The following TARS2 variants were observed in gnomAD, a reference collection of about 807,000 sequenced individuals.
TARS2 encodes threonyl-tRNA synthetase 2, mitochondrial, also known as threonine--tRNA ligase, mitochondrial.
Under a neutral mutation model 94.4 loss-of-function variants are expected in TARS2, and 61 were observed. The observed-to-expected ratio is 0.65, with a 90% CI of 0.53 to 0.80. The LOEUF (loss-of-function observed/expected upper bound fraction) is 0.80, where lower values mean the gene tolerates loss of function less well. Among genes scored for constraint, TARS2 ranks in the 30% least tolerant of loss-of-function variants. TARS2 has a pLI of 0.00. For missense variants in TARS2, 704 were observed against 902.5 expected (o/e 0.78, Z 2.82); for synonymous variants, 359 against 353.4 (o/e 1.02, Z -0.18).
At position 150,497,611 on chromosome 1, in the gene TARS2, T is replaced by C. The variant is rs767000018; in HGVS notation, c.1102T>C (p.Trp368Arg). 16 of 1,614,168 alleles carry C rather than the reference T, an allele frequency of 9.9e-6. No homozygotes were observed. The highest frequency in any genetic ancestry group is 6.7e-5 in the Admixed American group (4 of 60,010). ...GAAGCTCTGGGAACAGTCAGGGCAC[T>C]GGGAGCATTATCAGGAAGACATGTT... ...STKLWEQSGH[W>R]EHYQEDMFAV... The change falls in exon 10 of 18, where the codon TGG becomes CGG. Residue 368 changes from tryptophan to arginine, a missense_variant. By Grantham distance (101) the Trp-to-Arg change is moderately radical. Transcript: ENST00000369064.
At chr1:150,488,821 G>A in intron 2 of TARS2, 143 bp from the exon 3 acceptor site, 1 of 1,260,560 alleles carries the variant, frequency 7.9e-7, no homozygotes, top group Non-Finnish European at 1.1e-6. Flanking sequence ...ATCCTTTCCA[G>A]CCTCTGGTAA....
At chr1:150,492,088 C>G (rs587661879) in intron 6 of TARS2, 17 of 291,582 alleles carry the variant, frequency 5.8e-5, no homozygotes, top group African/African-American at 3.7e-4. Flanking sequence ...GCCTCAGCCT[C>G]CCGAGTAGCT....
In TARS2 at chr1:150,496,848, G is replaced by A; in HGVS notation, c.960G>A (p.Gly320=). The A allele has an allele frequency of 1.2e-6, 2 of 1,614,054 alleles. No individual in the cohort carries two copies. Among genetic ancestry groups the A allele is most frequent in the Non-Finnish European group, 1.7e-6 (2 of 1,180,016 alleles). ...ELFFFHELSP[G]SCFFLPRGTR... is the part of the protein sequence containing the mutation. ...TCTTCTTCCATGAACTGAGCCCTGG[G>A]AGCTGCTTCTTCCTGCCACGAGGGA... The change falls in exon 9 of 18, where the codon GGG becomes GGA. Residue 320 remains glycine, a synonymous_variant. Coordinates refer to ENST00000369064, the MANE Select transcript of TARS2 (RefSeq NM_025150.5).
chr1:150,497,446 G>A, intron 9 of TARS2, 84 bp from the exon 10 acceptor site: 1 of 1,333,008 alleles, frequency 7.5e-7, no homozygotes, highest in South Asian at 1.3e-5. Context: ...ATGGCCTGAG[G>A]GCCCAGGAAG....
At chr1:150,497,306 G>A (rs1669706703) in intron 9 of TARS2, among the ~76,000 whole-genome samples, 1 of 152,088 alleles carries the variant, frequency 6.6e-6, no homozygotes, top group Non-Finnish European at 1.5e-5. Flanking sequence ...AAAAGGTGGG[G>A]GGGCTGGTTT....
intron 9 of TARS2, among the ~76,000 whole-genome samples, 164 bp from the exon 10 acceptor site, chr1:150,497,366 A>G (rs982089680): frequency 1.1e-4 from 16 of 152,138 alleles, no homozygotes; most frequent in Admixed American, 4.6e-4. Context: ...TAATACTACA[A>G]TTGTGTGGTC....
Position 150,497,535 on chromosome 1 carries a change from G to C in TARS2, c.1026G>C (p.Glu342Asp), listed in dbSNP as rs371727967. The C allele has an allele frequency of 1.9e-6, 3 of 1,613,868 alleles. No homozygotes were observed. The highest frequency in any genetic ancestry group is 2.7e-5 in the African/African-American group (2 of 74,916). ...GTCTGTACCCTCCTCTCCAGGCTGA[G>C]TATGCCCATCGTGGTTTCTCCGAGG... Reference protein sequence around the residue: ...YNALVAFIRAEYAHRGFSEVK... With the variant: ...YNALVAFIRADYAHRGFSEVK... The change falls in exon 10 of 18, where the codon GAG becomes GAC. Residue 342 changes from glutamate (E) to aspartate (D), a missense_variant. Transcript: ENST00000369064.
In TARS2 at chr1:150,498,991, C is replaced by T; in HGVS notation, c.1496C>T (p.Ser499Phe). Residue 499 changes from serine (S) to phenylalanine (F), a missense_variant, in exon 12 of 18, where the codon TCT becomes TTT. Coordinates refer to ENST00000369064, the MANE Select transcript of TARS2 (RefSeq NM_025150.5). ...SFRLALSTRPSGFLGDPCLWD... is the reference protein window; with the variant it reads ...SFRLALSTRPFGFLGDPCLWD... The stretch of plus-strand genomic sequence containing the variant: ...CGCCTGGCACTGTCCACCCGGCCAT[C>T]TGGCTTCCTGGGGGACCCTTGCCTT... 6.2e-7 allele frequency: 1 copy of T among 1,614,156 alleles called. No individual in the cohort carries two copies.
intron 17 of TARS2, 71 bp downstream of exon 17, chr1:150,505,776 TG>T (rs1416003996): frequency 4.1e-6 from 6 of 1,453,780 alleles, no homozygotes; most frequent in Non-Finnish European, 5.7e-6. Context: ...TTACCAAGTC[TG>T]GTAATGCATA....
At chr1:150,488,195 GT>G in intron 2 of TARS2, 141 bp downstream of exon 2, 1 of 1,025,128 alleles carries the variant, frequency 9.8e-7, no homozygotes, top group Non-Finnish European at 1.4e-6. Flanking sequence ...TTTTGTTTTT[GT>G]TTTTTGTTGT....
At chr1:150,505,531 C>A (rs1560259859) in intron 16 of TARS2, 60 bp from the exon 17 acceptor site, 1 of 1,433,712 alleles carries the variant, frequency 7.0e-7, no homozygotes, top group Non-Finnish European at 9.8e-7. Context: ...GAGCATCAGA[C>A]TGTTCTAGCT....
intron 6 of TARS2, 42 bp downstream of exon 6, chr1:150,491,704 G>A (rs1669391692): frequency 1.0e-5 from 16 of 1,602,868 alleles, no homozygotes; most frequent in Non-Finnish European, 1.3e-5. Flanking sequence ...AGGTGGGGAA[G>A]CATTGAAGAA....
chr1:150,499,026 G>T lies in TARS2; in HGVS notation c.1531G>T (p.Ala511Ser), dbSNP rs1669794051. ...FLGDPCLWDQ[A>S]EQVLKQALKE... ...GGGGGACCCTTGCCTTTGGGACCAG[G>T]CCGAACAGGTGAGTAGGAGGTAGAG... is the stretch of plus-strand genomic sequence containing the variant. Residue 511 changes from alanine to serine, a missense_variant, in exon 12 of 18, where the codon GCC (alanine) becomes TCC (serine). This residue lies in a region of TARS2 where 466 missense variants were observed against 609.5 expected (regional missense o/e 0.76). Coordinates refer to ENST00000369064, the MANE Select transcript of TARS2 (RefSeq NM_025150.5). The T allele has an allele frequency of 8.7e-6, 14 of 1,614,152 alleles. No individual in the cohort carries two copies. Among genetic ancestry groups the T allele is most frequent in the Non-Finnish European group, 1.1e-5 (13 of 1,180,022 alleles).
In TARS2 at chr1:150,498,631, G is replaced by A; in HGVS notation, c.1368G>A (p.Gln456=). The A allele has an allele frequency of 6.2e-7, 1 of 1,612,970 alleles. No homozygotes were observed. The highest frequency in any genetic ancestry group is 8.5e-7 in the Non-Finnish European group (1 of 1,179,694). Residue 456 remains glutamine (Q), a synonymous_variant, in exon 11 of 18, where the codon CAG becomes CAA. Coordinates refer to ENST00000369064, the MANE Select transcript of TARS2 (RefSeq NM_025150.5). ...TGACCCGACTGCGGTGCTTCCAGCA[G>A]GATGACGCTCACATCTTCTGTACAA... ...GGLTRLRCFQ[Q]DDAHIFCTTD...
Position 150,496,470 on chromosome 1 carries a change from G to A in TARS2, c.775-12G>A, listed in dbSNP as rs746303196. 2.4e-5 allele frequency: 38 copies of A among 1,603,914 alleles called. No individual in the cohort carries two copies. The highest frequency in any genetic ancestry group is 3.2e-5 in the Non-Finnish European group (37 of 1,173,416). On this transcript the variant is annotated splice_polypyrimidine_tract_variant and intron_variant, in intron 7 of 17. Transcript: ENST00000369064. ...CCTCATCTTTCCTTTGATCCCCTAT[G>A]TCCTCACACAGAACTCATCATCCTT...
chr1:150,495,300 G>A (rs145256819), intron 7 of TARS2, among the ~76,000 whole-genome samples: 2,101 of 148,532 alleles, frequency 0.014, 54 homozygotes, highest in African/African-American at 0.049. Flanking sequence ...AGCCGAGATC[G>A]CGCCACTGCA....
intron 7 of TARS2, among the ~76,000 whole-genome samples, chr1:150,494,920 G>A (rs1413047946): frequency 4.0e-5 from 6 of 151,886 alleles, no homozygotes; most frequent in Non-Finnish European, 8.8e-5. Flanking sequence ...AGTGGCTCAC[G>A]CCTGTAATCC....
intron 6 of TARS2, 78 bp from the exon 7 acceptor site, chr1:150,492,333 C>G (rs751358548): frequency 1.9e-5 from 27 of 1,429,796 alleles, no homozygotes; most frequent in Non-Finnish European, 2.7e-5. Context: ...CCTCTTCTGT[C>G]AGCTAAAGAC....
intron 17 of TARS2, among the ~76,000 whole-genome samples, chr1:150,506,318 C>T (rs1670199406): frequency 6.6e-6 from 1 of 151,962 alleles, no homozygotes; most frequent in South Asian, 2.1e-4. Context: ...CAGCAGAGGC[C>T]CCTCACTCTG....
Sources: gnomAD v4.1 joint callset for allele counts (sites outside exome capture counted in the v4.1 genomes callset) on GRCh38, gnomAD v4.1.1 for gene constraint, gnomAD v4.1.1 regional missense constraint, MANE v1.5 for transcripts, NCBI Gene and HGNC (gene_info 2026-07-23, HGNC 2026-07-21) for gene names.